The following ACOT7 variants were observed in gnomAD, a reference collection of about 807,000 sequenced individuals.
ACOT7 encodes acyl-CoA thioesterase 7, also known as cytosolic acyl coenzyme A thioester hydrolase.
A neutral mutation model predicts 40.2 loss-of-function variants in ACOT7; 12 were observed. That is an observed-to-expected ratio of 0.30 (90% CI 0.19 to 0.48). The LOEUF (loss-of-function observed/expected upper bound fraction) is 0.48, where lower values mean the gene tolerates loss of function less well. Among genes scored for constraint, ACOT7 ranks in the 20% least tolerant of loss-of-function variants. ACOT7 has a pLI of 0.99. For missense variants in ACOT7, 395 were observed against 530.8 expected, an observed-to-expected ratio of 0.74 and a Z score of 2.51; for synonymous variants, 228 against 219.5, an observed-to-expected ratio of 1.04 and a Z score of -0.34.
intron 2 of ACOT7, among the ~76,000 whole-genome samples, chr1:6,348,471 C>T (rs1641496331): frequency 2.0e-5 from 3 of 152,138 alleles, no homozygotes. Flanking sequence ...GTGTTGAAAT[C>T]CTAACCCCCA....
At chr1:6,386,197 C>A (rs973619496) in intron 1 of ACOT7, among the ~76,000 whole-genome samples, 3 of 152,212 alleles carry the variant, frequency 2.0e-5, no homozygotes, top group Non-Finnish European at 4.4e-5. Context: ...AGGTGCCTGG[C>A]CCTCCTCTGA....
chr1:6,387,129 G>C (rs546193764), intron 1 of ACOT7, among the ~76,000 whole-genome samples: 8 of 152,192 alleles, frequency 5.3e-5, no homozygotes, highest in Admixed American at 4.6e-4. Context: ...CGAAATTCTA[G>C]AAGAGGCACA....
chr1:6,368,914 C>T (rs981760792), intron 1 of ACOT7, among the ~76,000 whole-genome samples: 1 of 152,216 alleles, frequency 6.6e-6, no homozygotes, highest in Admixed American at 6.5e-5. Context: ...AGATGGCCCA[C>T]CATTGCCATT....
chr1:6,295,182 C>G (rs926843640), intron 6 of ACOT7: 15 of 499,870 alleles, frequency 3.0e-5, no homozygotes, highest in Non-Finnish European at 5.0e-5. Flanking sequence ...TTGAAAAAAA[C>G]GACCATGGCT....
At chr1:6,272,573 TG>T (rs1192965929) in intron 8 of ACOT7, among the ~76,000 whole-genome samples, 1 of 152,162 alleles carries the variant, frequency 6.6e-6, no homozygotes, top group Non-Finnish European at 1.5e-5. Flanking sequence ...TACCACCGTG[TG>T]GGGCACAGGG....
intron 1 of ACOT7, among the ~76,000 whole-genome samples, chr1:6,368,940 C>T (rs546775897): frequency 2.5e-4 from 38 of 152,346 alleles, no homozygotes; most frequent in Admixed American, 1.0e-3. Flanking sequence ...CTTGTCATTT[C>T]AGCAATGTTC....
chr1:6,312,294 C>T lies in ACOT7; in HGVS notation c.712+6198G>A, dbSNP rs543992451. 3.2e-4 allele frequency among the ~76,000 whole-genome samples: 49 copies of T among 152,260 alleles called. No individual in the cohort carries two copies. The South Asian group carries it at 1.0e-2, about 31-fold the overall frequency. On this transcript the variant is annotated intron_variant, in intron 6 of 8. Coordinates refer to ENST00000361521, the MANE Select transcript of ACOT7 (RefSeq NM_007274.4). Reference sequence around the variant, plus strand: ...ATTCGACAGCACAACAGGGTGACCACAGTCAATAATAACGTAATTGTACAT... The same window carrying T: ...ATTCGACAGCACAACAGGGTGACCATAGTCAATAATAACGTAATTGTACAT...
At position 6,338,343 on chromosome 1, in the gene ACOT7, G is replaced by A. The variant is rs1295274976; in HGVS notation, c.418+1090C>T. Among the ~76,000 whole-genome samples the A allele has an allele frequency of 6.6e-6, 1 of 152,224 alleles. No homozygotes were observed. Among genetic ancestry groups the A allele is most frequent in the Non-Finnish European group, 1.5e-5 (1 of 68,032 alleles). ...TAAAGTGGGGAACCCACCCAGCCCT[G>A]AGCCTCTCCCGAGTCGTGGGCGCTG... On this transcript the variant is annotated intron_variant, in intron 3 of 8. Transcript: ENST00000361521. The surrounding 1 kb of genome is among the most constrained non-coding windows in gnomAD (Gnocchi z 4.4).
At chr1:6,304,399 T>C (rs1640061316) in intron 6 of ACOT7, among the ~76,000 whole-genome samples, 1 of 149,368 alleles carries the variant, frequency 6.7e-6, no homozygotes, top group Admixed American at 6.6e-5. Flanking sequence ...CGTTCTTTTT[T>C]TTTTTTTTTT....
intron 6 of ACOT7, among the ~76,000 whole-genome samples, chr1:6,315,752 C>CT (rs1469775922): frequency 5.9e-5 from 3 of 50,560 alleles, no homozygotes; most frequent in East Asian, 7.4e-4. Flanking sequence ...GAGACTCTGT[C>CT]TAAAAAAAAA....
chr1:6,338,118 C>T lies in ACOT7; in HGVS notation c.418+1315G>A, dbSNP rs1403654304. Among the ~76,000 whole-genome samples the T allele has an allele frequency of 6.6e-6, 1 of 152,138 alleles. No individual in the cohort carries two copies. The highest frequency in any genetic ancestry group is 2.4e-5 in the African/African-American group (1 of 41,458). On this transcript the variant is annotated intron_variant, in intron 3 of 8. Coordinates refer to ENST00000361521, the MANE Select transcript of ACOT7 (RefSeq NM_007274.4). This position sits in a 1 kb window ranked among gnomAD's most constrained non-coding sequence, Gnocchi z 4.4. Reference sequence around the variant, plus strand: ...AGAAAATCTGCAAAGCAGATCCCTTCCTGGCATTTTTGAAGCCACCAACTC... The same window carrying T: ...AGAAAATCTGCAAAGCAGATCCCTTTCTGGCATTTTTGAAGCCACCAACTC...
intron 1 of ACOT7, among the ~76,000 whole-genome samples, chr1:6,384,540 A>G (rs976565253): frequency 2.6e-5 from 4 of 151,918 alleles, no homozygotes; most frequent in African/African-American, 9.7e-5. Context: ...TTAATAACAA[A>G]CATGGGTGTC....
intron 5 of ACOT7, among the ~76,000 whole-genome samples, chr1:6,325,560 A>G (rs1314333488): frequency 2.0e-5 from 3 of 152,216 alleles, no homozygotes; most frequent in Non-Finnish European, 2.9e-5. Context: ...CCCCAACAGT[A>G]AAGAAACCGA....
chr1:6,313,404 T>C (rs964053177), intron 6 of ACOT7, among the ~76,000 whole-genome samples: 2 of 152,136 alleles, frequency 1.3e-5, no homozygotes, highest in Non-Finnish European at 2.9e-5. Flanking sequence ...CCAGAAGACA[T>C]GGAACAAACG....
rs114484077 is a variant in ACOT7, at chr1:6,287,668, G to A, written c.830-6382C>T. Among the ~76,000 whole-genome samples the A allele has an allele frequency of 3.5e-3, 533 of 152,344 alleles. 2 individuals are homozygous for A. The highest frequency in any genetic ancestry group is 0.012 in the African/African-American group (502 of 41,570). On this transcript the variant is annotated intron_variant, in intron 7 of 8. Transcript: ENST00000361521. ...CCCCAGCCTGACTCCCCCAGCAGAC[G>A]GGCGTCTCTCCAGGGGCGGCAGCAG...
At chr1:6,333,661 G>A (rs1641022595) in intron 3 of ACOT7, 93 bp from the exon 4 acceptor site, 3 of 1,253,438 alleles carry the variant, frequency 2.4e-6, no homozygotes, top group Non-Finnish European at 3.5e-6. Flanking sequence ...CCAGCGCCCG[G>A]TCCCAGTACC....
intron 8 of ACOT7, among the ~76,000 whole-genome samples, chr1:6,267,814 A>G (rs1472292319): frequency 6.6e-6 from 1 of 152,120 alleles, no homozygotes; most frequent in Non-Finnish European, 1.5e-5. Context: ...CCGCCTGGAA[A>G]CCAGCCCAGC....
rs760366133 is a variant in ACOT7 at position 6,339,524 on chromosome 1, A to G, written c.327T>C (p.Gly109=). 2 of 1,613,462 alleles carry G rather than the reference A, an allele frequency of 1.2e-6. No homozygotes were observed. The highest frequency in any genetic ancestry group is 1.3e-5 in the African/African-American group (1 of 74,982). Residue 109 remains glycine (G), a synonymous_variant, in exon 3 of 9, where the codon GGT becomes GGC. Coordinates refer to ENST00000361521, the MANE Select transcript of ACOT7 (RefSeq NM_007274.4). ...RTDFLSPMCI[G]EVAHVSAEIT... ...TCTCCGCGCTGACATGCGCCACCTC[A>G]CCGATGCACATGGGAGACAGGAAGT...
rs77495404 is a variant in ACOT7, at chr1:6,345,566, G to A, written c.261+4183C>T. 9.9e-3 allele frequency among the ~76,000 whole-genome samples: 1,509 copies of A among 152,338 alleles called. 24 individuals are homozygous for A. Among genetic ancestry groups the A allele is most frequent in the African/African-American group, 0.034 (1,413 of 41,564 alleles). On this transcript the variant is annotated intron_variant, in intron 2 of 8. Coordinates refer to ENST00000361521, the MANE Select transcript of ACOT7 (RefSeq NM_007274.4). Reference sequence around the variant, plus strand: ...CTTAGGAAACGCCCAGGAGAGGCAGGGATAGCTGTCTCTCTCTGACATGCG... The same window carrying A: ...CTTAGGAAACGCCCAGGAGAGGCAGAGATAGCTGTCTCTCTCTGACATGCG...
Sources: gnomAD v4.1 joint callset for allele counts (sites outside exome capture counted in the v4.1 genomes callset) on GRCh38, gnomAD v4.1.1 for gene constraint, Gnocchi (gnomAD v3.1) non-coding constraint, MANE v1.5 for transcripts, NCBI Gene and HGNC (gene_info 2026-07-23, HGNC 2026-07-21) for gene names.